The following CACNA2D3 variants were observed in gnomAD, a reference collection of about 807,000 sequenced individuals.
CACNA2D3 encodes the protein calcium voltage-gated channel auxiliary subunit alpha2delta 3.
CACNA2D3 carries 60 observed loss-of-function variants against 160.6 expected under a neutral mutation model. That is an observed-to-expected ratio of 0.37 (90% CI 0.30 to 0.46). The LOEUF (loss-of-function observed/expected upper bound fraction) is 0.46. Ranked by LOEUF, CACNA2D3 falls within the 20% of genes least tolerant of loss-of-function variation. The probability of loss-of-function intolerance (pLI) is 1.00; values close to 1 mark genes in which losing one functional copy is unlikely to be tolerated. For missense variants in CACNA2D3, 1,205 were observed against 1,365.0 expected (o/e 0.88, Z 1.85); for synonymous variants, 558 against 492.9 (o/e 1.13, Z -1.75).
chr3:54,922,597 G>T lies in CACNA2D3; in HGVS notation c.2449+22729G>T, dbSNP rs1401630977. Among the ~76,000 whole-genome samples, 5 of 152,116 alleles carry T rather than the reference G, an allele frequency of 3.3e-5. No homozygotes were observed. In the East Asian group the frequency reaches 9.6e-4, roughly 29 times the overall value. On this transcript the variant is annotated intron_variant, in intron 27 of 37. Coordinates refer to ENST00000474759, the MANE Select transcript of CACNA2D3 (RefSeq NM_018398.3). ...TTCAATATCGTACGTTTTAACCCATGTTGTATTCACCCTAACCTCATTCCC... is the reference window on the plus strand; with the variant it reads ...TTCAATATCGTACGTTTTAACCCATTTTGTATTCACCCTAACCTCATTCCC...
chr3:54,400,611 C>T (rs1699440572), intron 4 of CACNA2D3, among the ~76,000 whole-genome samples: 1 of 152,166 alleles, frequency 6.6e-6, no homozygotes, highest in Non-Finnish European at 1.5e-5. Context: ...CCTAGTCTAC[C>T]AGACACCCAC....
intron 11 of CACNA2D3, among the ~76,000 whole-genome samples, chr3:54,689,807 A>AC (rs1303460745): frequency 6.6e-6 from 1 of 151,954 alleles, no homozygotes; most frequent in Non-Finnish European, 1.5e-5. Flanking sequence ...CCTCTTTGAC[A>AC]CCCCTTCCCC....
At chr3:54,150,714 A>T (rs759949446) in intron 2 of CACNA2D3, among the ~76,000 whole-genome samples, 13 of 152,256 alleles carry the variant, frequency 8.5e-5, no homozygotes, top group Non-Finnish European at 1.5e-4. Context: ...AAACAAAAAT[A>T]CTAGAGAGGA....
intron 11 of CACNA2D3, among the ~76,000 whole-genome samples, chr3:54,723,297 A>G (rs1294487108): frequency 7.3e-6 from 1 of 136,852 alleles, no homozygotes; most frequent in Middle Eastern, 3.4e-3. Flanking sequence ...GGCAGTGAGA[A>G]TTTCAAGCCA....
intron 5 of CACNA2D3, among the ~76,000 whole-genome samples, chr3:54,509,367 C>T (rs1701422896): frequency 1.3e-5 from 2 of 151,912 alleles, no homozygotes; most frequent in African/African-American, 4.8e-5. Flanking sequence ...GTGACTGACC[C>T]CAGGATGTCA....
intron 11 of CACNA2D3, among the ~76,000 whole-genome samples, chr3:54,736,069 A>ATATACATACATATATATATG (rs1701508539): frequency 3.8e-5 from 1 of 26,232 alleles, no homozygotes. Context: ...ATGTATATAT[A>ATATACATACATATATATATG]TATACATATA....
intron 18 of CACNA2D3, 34 bp from the exon 19 acceptor site, chr3:54,878,984 G>A (rs769340381): frequency 3.2e-5 from 44 of 1,390,342 alleles, no homozygotes; most frequent in South Asian, 1.3e-4. Context: ...ATAACCCAGG[G>A]AAGAACTAAC....
intron 2 of CACNA2D3, among the ~76,000 whole-genome samples, chr3:54,127,419 C>G (rs184287394): frequency 6.6e-6 from 1 of 152,146 alleles, no homozygotes; most frequent in East Asian, 1.9e-4. Flanking sequence ...GTGCTTTAAG[C>G]CATTTTTATA....
At chr3:54,950,892 A>G (rs1474697018) in intron 27 of CACNA2D3, among the ~76,000 whole-genome samples, 2 of 152,210 alleles carry the variant, frequency 1.3e-5, no homozygotes, top group Admixed American at 6.5e-5. Flanking sequence ...GCCACAGACA[A>G]GATGGGGTGA....
intron 3 of CACNA2D3, among the ~76,000 whole-genome samples, chr3:54,384,835 T>G (rs1162723821): frequency 6.6e-6 from 1 of 152,120 alleles, no homozygotes; most frequent in African/African-American, 2.4e-5. Flanking sequence ...TTCTCCTGCC[T>G]CAGCCTCCTG....
At chr3:54,531,063 A>C (rs1213964253) in intron 5 of CACNA2D3, among the ~76,000 whole-genome samples, 2 of 152,246 alleles carry the variant, frequency 1.3e-5, no homozygotes, top group Non-Finnish European at 2.9e-5. Context: ...GAGCCTGCAG[A>C]AACTTGAGCT....
At chr3:54,626,350 C>T (rs1257595161) in intron 9 of CACNA2D3, 8 of 1,557,002 alleles carry the variant, frequency 5.1e-6, no homozygotes, top group Non-Finnish European at 7.0e-6. Flanking sequence ...GCGGCTGAAC[C>T]GGGGCCTGCG....
chr3:54,746,303 T>C (rs1158159795), intron 11 of CACNA2D3, among the ~76,000 whole-genome samples: 1 of 152,218 alleles, frequency 6.6e-6, no homozygotes, highest in Non-Finnish European at 1.5e-5. Flanking sequence ...CAAATAACAA[T>C]GAAAGTTGGT....
At chr3:54,873,270 A>G (rs551649113) in intron 18 of CACNA2D3, among the ~76,000 whole-genome samples, 2 of 152,196 alleles carry the variant, frequency 1.3e-5, no homozygotes, top group East Asian at 3.9e-4. Flanking sequence ...TGACCTCCTC[A>G]GTCCTCAGGG....
intron 13 of CACNA2D3, among the ~76,000 whole-genome samples, chr3:54,769,131 G>A (rs1366034): frequency 4.6e-5 from 7 of 152,008 alleles, no homozygotes; most frequent in African/African-American, 9.7e-5. Context: ...TCATTTATAC[G>A]GGGTCAAAAC....
intron 2 of CACNA2D3, among the ~76,000 whole-genome samples, chr3:54,250,030 T>G (rs185374336): frequency 6.6e-5 from 10 of 152,316 alleles, no homozygotes; most frequent in African/African-American, 2.4e-4. Flanking sequence ...TCTGAATCAT[T>G]ATGTGCTTTT....
chr3:54,840,499 C>T (rs1698795674), intron 16 of CACNA2D3, among the ~76,000 whole-genome samples: 1 of 149,416 alleles, frequency 6.7e-6, no homozygotes, highest in East Asian at 2.0e-4. Context: ...CAACCTCCAC[C>T]TCCTGGGTTC....
intron 5 of CACNA2D3, among the ~76,000 whole-genome samples, chr3:54,537,227 G>A (rs1701904165): frequency 6.6e-6 from 1 of 152,016 alleles, no homozygotes; most frequent in African/African-American, 2.4e-5. Flanking sequence ...TGCGCGATTA[G>A]GGTTAACTTT....
At chr3:54,499,434 A>AT (rs963822651) in intron 4 of CACNA2D3, among the ~76,000 whole-genome samples, 32 of 151,994 alleles carry the variant, frequency 2.1e-4, no homozygotes, top group Non-Finnish European at 8.8e-5. Context: ...AAAAATATAC[A>AT]TTTTTTCTGC....
Sources: allele counts gnomAD v4.1 joint callset (sites outside exome capture counted in the v4.1 genomes callset), GRCh38; gene constraint gnomAD v4.1.1; transcripts MANE v1.5; gene names NCBI Gene and HGNC (gene_info 2026-07-23, HGNC 2026-07-21).